Variants in CORO1C observed in about 807,000 individuals in gnomAD.
CORO1C encodes coronin 1C.
CORO1C carries 14 observed loss-of-function variants against 51.2 expected under a neutral mutation model. The ratio of observed to expected loss-of-function variants is 0.27; its 90% CI spans 0.18 to 0.43. CORO1C has a LOEUF of 0.43. Among genes scored for constraint, CORO1C ranks in the 20% least tolerant of loss-of-function variants. The pLI is 1.00. For synonymous variants in CORO1C, 181 were observed against 210.5 expected, an observed-to-expected ratio of 0.86 and a Z score of 1.21; for missense variants, 417 against 607.8, an observed-to-expected ratio of 0.69 and a Z score of 3.30.
intron 4 of CORO1C, 121 bp from the exon 5 acceptor site, chr12:108,659,040 G>A: frequency 9.5e-7 from 1 of 1,052,450 alleles, no homozygotes; most frequent in Non-Finnish European, 1.3e-6. Context: ...GAGAGAAAGA[G>A]AGAGAGAGAA....
intron 1 of CORO1C, among the ~76,000 whole-genome samples, chr12:108,718,000 C>G (rs570012921): frequency 6.6e-6 from 1 of 151,268 alleles, no homozygotes; most frequent in African/African-American, 2.4e-5. Flanking sequence ...GGTGGATCAC[C>G]TGAGGTAAGG....
chr12:108,700,447 A>G (rs747508996), intron 2 of CORO1C, among the ~76,000 whole-genome samples: 1 of 152,188 alleles, frequency 6.6e-6, no homozygotes, highest in African/African-American at 2.4e-5. Flanking sequence ...CCCACCTTGG[A>G]GCAGGCTTTC....
chr12:108,650,938 T>C (rs2032618730), intron 8 of CORO1C, among the ~76,000 whole-genome samples: 1 of 152,000 alleles, frequency 6.6e-6, no homozygotes, highest in Non-Finnish European at 1.5e-5. Flanking sequence ...AAAAAAAAAA[T>C]CACATAGAGA....
At chr12:108,683,335 C>A (rs1449651778) in intron 2 of CORO1C, among the ~76,000 whole-genome samples, 2 of 150,884 alleles carry the variant, frequency 1.3e-5, no homozygotes, top group African/African-American at 4.9e-5. Context: ...AGGAGAAGTG[C>A]TTGAACCTGA....
At chr12:108,649,262 T>A in intron 8 of CORO1C, 1 of 561,590 alleles carries the variant, frequency 1.8e-6, no homozygotes, top group Non-Finnish European at 3.2e-6. Flanking sequence ...TGAGTAGAGG[T>A]CTACGTATGA....
intron 6 of CORO1C, 103 bp downstream of exon 6, chr12:108,657,201 A>C: frequency 1.4e-6 from 2 of 1,455,680 alleles, no homozygotes; most frequent in Non-Finnish European, 1.8e-6. Context: ...GCGTTTAGAA[A>C]ACTACACTAA....
chr12:108,727,084 C>T (rs2035611165), intron 1 of CORO1C, among the ~76,000 whole-genome samples: 1 of 152,208 alleles, frequency 6.6e-6, no homozygotes, highest in Admixed American at 6.5e-5. Flanking sequence ...AACAATCATT[C>T]ATTCAGCGAA....
At chr12:108,692,331 T>C (rs1290320911) in intron 2 of CORO1C, among the ~76,000 whole-genome samples, 1 of 152,168 alleles carries the variant, frequency 6.6e-6, no homozygotes, top group Admixed American at 6.5e-5. Context: ...ACACCAAAGC[T>C]ACCAAGTGCC....
In CORO1C at chr12:108,646,317, T is replaced by C. The variant is rs2032359533; in HGVS notation, c.*1086A>G. 1 of 152,248 alleles carries C rather than the reference T, an allele frequency of 6.6e-6. No individual in the cohort carries two copies. The highest frequency in any genetic ancestry group is 6.6e-5 in the Admixed American group (1 of 15,266). 9.4% of individuals were successfully genotyped at this position (152,248 alleles called of 1,614,324 possible). A position where few individuals can be genotyped will look rare whatever the true frequency, so the allele number is the denominator to read the frequency against. ...AGCCACTTCCTCCTCCAACACAGCA[T>C]GGGGACAGCACAGGGAAACAGGATC... On this transcript the variant is annotated 3_prime_UTR_variant, in exon 11 of 11. Transcript: ENST00000261401.
intron 2 of CORO1C, among the ~76,000 whole-genome samples, chr12:108,686,020 A>T (rs2034281852): frequency 6.6e-6 from 1 of 152,254 alleles, no homozygotes; most frequent in African/African-American, 2.4e-5. Flanking sequence ...GTTATTAAAA[A>T]TACAAAGCTG....
rs150742562 is a variant in CORO1C, at chr12:108,661,888, C to T, written c.448+141G>A. On this transcript the variant is annotated intron_variant, in intron 4 of 10. Transcript: ENST00000261401. ...ATGTATGTGGGCTGGGGGAGCAGTG[C>T]ACCCCAATACTCTTCACCATGGTTT... The T allele has an allele frequency of 1.0e-3, 886 of 851,966 alleles. 11 individuals carry two copies. In the African/African-American group the frequency reaches 0.012, roughly 12 times the overall value. 52.8% of individuals were successfully genotyped at this position (851,966 alleles called of 1,614,324 possible).
At chr12:108,647,673 T>C (rs1023299799) in intron 10 of CORO1C, 151 bp from the exon 11 acceptor site, 71 of 593,710 alleles carry the variant, frequency 1.2e-4, no homozygotes, top group Non-Finnish European at 1.4e-4. Context: ...AGCCCTACTA[T>C]GTCTGGGGCT....
At chr12:108,683,652 A>C (rs1020402483) in intron 2 of CORO1C, among the ~76,000 whole-genome samples, 1 of 152,216 alleles carries the variant, frequency 6.6e-6, no homozygotes, top group African/African-American at 2.4e-5. Context: ...ATCTCACAGA[A>C]GTAAAAGTAA....
chr12:108,655,467 T>C (rs1188708147), intron 6 of CORO1C, among the ~76,000 whole-genome samples: 1 of 146,802 alleles, frequency 6.8e-6, no homozygotes, highest in Non-Finnish European at 1.5e-5. Flanking sequence ...CTCGACTCAC[T>C]GCAACCTCCC....
intron 1 of CORO1C, among the ~76,000 whole-genome samples, chr12:108,720,450 A>G (rs2035448727): frequency 6.6e-6 from 1 of 152,208 alleles, no homozygotes; most frequent in Admixed American, 6.5e-5. Flanking sequence ...GTGTAAATTT[A>G]CACATATAAA....
At chr12:108,726,751 T>C (rs1400408523) in intron 1 of CORO1C, among the ~76,000 whole-genome samples, 1 of 152,146 alleles carries the variant, frequency 6.6e-6, no homozygotes. Context: ...CAGTACTAAC[T>C]GACCAAATAC....
intron 3 of CORO1C, among the ~76,000 whole-genome samples, chr12:108,667,851 G>A (rs927622145): frequency 3.9e-5 from 6 of 152,184 alleles, no homozygotes; most frequent in African/African-American, 1.4e-4. Context: ...TGAAAGCCTG[G>A]ATATGGAAAA....
chr12:108,715,542 C>T (rs3825252), intron 1 of CORO1C, among the ~76,000 whole-genome samples: 1 of 151,928 alleles, frequency 6.6e-6, no homozygotes, highest in African/African-American at 2.4e-5. Flanking sequence ...TAAACACAAC[C>T]ACCTCTTTTG....
intron 2 of CORO1C, among the ~76,000 whole-genome samples, chr12:108,687,741 C>T (rs972582350): frequency 5.3e-5 from 8 of 151,446 alleles, no homozygotes; most frequent in Non-Finnish European, 7.4e-5. Flanking sequence ...GCCAAGATCG[C>T]GCCAGTGTAC....
Sources: allele counts gnomAD v4.1 joint callset (sites outside exome capture counted in the v4.1 genomes callset), GRCh38; gene constraint gnomAD v4.1.1; transcripts MANE v1.5; gene names NCBI Gene and HGNC (gene_info 2026-07-23, HGNC 2026-07-21).